RGPD3: variants seen among roughly 807,000 people sequenced by gnomAD.
RGPD3 encodes ranBP2-like and GRIP domain-containing protein 3.
Under a neutral mutation model 154.5 loss-of-function variants are expected in RGPD3, and 62 were observed. That is an observed-to-expected ratio of 0.40 (90% CI 0.33 to 0.50). The LOEUF is 0.50. RGPD3 is among the 20% of genes least tolerant of loss of function. The pLI is 0.59. For synonymous variants in RGPD3, 308 were observed against 607.0 expected, an observed-to-expected ratio of 0.51 and a Z score of 7.24; for missense variants, 919 against 1,716.8, an observed-to-expected ratio of 0.54 and a Z score of 8.21.
At chr2:106,448,840 A>G (rs1302137507) in intron 6 of RGPD3, among the ~76,000 whole-genome samples, 1 of 151,274 alleles carries the variant, frequency 6.6e-6, no homozygotes, top group African/African-American at 2.4e-5. Context: ...ATAGGCGCGT[A>G]CCAACATGCC....
At chr2:106,414,482 C>T (rs538548409) in intron 21 of RGPD3, among the ~76,000 whole-genome samples, 15 of 149,846 alleles carry the variant, frequency 1.0e-4, no homozygotes, top group Non-Finnish European at 2.1e-4. Context: ...ATTAGCCGGG[C>T]ATGGTGGTGC....
At chr2:106,470,126 G>A (rs1438895670), upstream of RGPD3, among the ~76,000 whole-genome samples, 1 of 152,106 alleles carries the variant, frequency 6.6e-6, no homozygotes, top group Non-Finnish European at 1.5e-5. Context: ...ATAAAGCACT[G>A]AGAACAATGC....
Position 106,424,003 on chromosome 2 carries a change from A to G in RGPD3, c.3964T>C (p.Ser1322Pro). 6.2e-7 allele frequency: 1 copy of G among 1,611,788 alleles called. No homozygotes were observed. Among genetic ancestry groups the G allele is most frequent in the Non-Finnish European group, 8.5e-7 (1 of 1,179,826 alleles). Residue 1322 changes from serine to proline, a missense_variant, in exon 20 of 23, where the codon TCT (serine) becomes CCT (proline). Transcript: ENST00000409886. ...CTCTCTTCTTCTTGAGTAACATCAG[A>G]TTCTTCATCAGTGCCAACTGAAGTC... Reference protein sequence around the residue: ...SGTSVGTDEESDVTQEEERDG... With the variant: ...SGTSVGTDEEPDVTQEEERDG...
chr2:106,405,083 A>C lies in RGPD3; in HGVS notation c.*136T>G. On this transcript the variant is annotated 3_prime_UTR_variant, in exon 23 of 23. Transcript: ENST00000409886. ...AAACATATACACACTTTTTGACAAAAGAATGATGGTAATACACATGAACCA... is the reference window on the plus strand; with the variant it reads ...AAACATATACACACTTTTTGACAAACGAATGATGGTAATACACATGAACCA... The C allele has an allele frequency of 2.8e-6, 3 of 1,068,828 alleles. No individual in the cohort carries two copies. In the South Asian group the frequency reaches 4.4e-5, roughly 16 times the overall value. The allele number at this position is 1,068,828 out of a possible 1,614,324, so 66.2% of individuals were successfully genotyped here. A position where few individuals can be genotyped will look rare whatever the true frequency, so the allele number is the denominator to read the frequency against.
At chr2:106,463,688 A>C (rs1452255836) in intron 1 of RGPD3, among the ~76,000 whole-genome samples, 2 of 151,228 alleles carry the variant, frequency 1.3e-5, no homozygotes, top group African/African-American at 4.8e-5. Context: ...AACCCAATCC[A>C]GGTTGGAGAA....
intron 6 of RGPD3, among the ~76,000 whole-genome samples, chr2:106,448,937 C>T (rs1157475538): frequency 4.0e-5 from 6 of 151,038 alleles, no homozygotes; most frequent in African/African-American, 1.2e-4. Context: ...GTGATCCACC[C>T]GCCTTGGCCT....
At chr2:106,449,554 A>T (rs1049568703) in intron 6 of RGPD3, among the ~76,000 whole-genome samples, 1 of 151,272 alleles carries the variant, frequency 6.6e-6, no homozygotes, top group African/African-American at 2.4e-5. Context: ...TATTTGTTTT[A>T]ATTTCTAATG....
At position 106,441,297 on chromosome 2, in the gene RGPD3, T is replaced by C. The variant is rs1210648094; in HGVS notation, c.1062A>G (p.Gln354=). 5 of 1,510,426 alleles carry C rather than the reference T, an allele frequency of 3.3e-6. No individual in the cohort carries two copies. Among genetic ancestry groups the C allele is most frequent in the Non-Finnish European group, 4.5e-6 (5 of 1,115,036 alleles). 93.6% of individuals were successfully genotyped at this position (1,510,426 alleles called of 1,614,324 possible). A position where few individuals can be genotyped will look rare whatever the true frequency, so the allele number is the denominator to read the frequency against. ...LEMMACDRLS[Q]SGHMLLNLSR... ...TTAGTTTAATATTACTATTACCTGA[T>C]TGGCTCAGTCGGTCACAGGCCATCA... Residue 354 remains glutamine, a synonymous_variant, in exon 8 of 23, where the codon CAA becomes CAG. Coordinates refer to ENST00000409886, the MANE Select transcript of RGPD3 (RefSeq NM_001144013.2).
At chr2:106,439,856 A>ACT (rs1319798308) in intron 8 of RGPD3, among the ~76,000 whole-genome samples, 1 of 137,024 alleles carries the variant, frequency 7.3e-6, no homozygotes, top group African/African-American at 2.6e-5. Flanking sequence ...ACAGAGTAAG[A>ACT]CTGTCTCAGG....
At chr2:106,448,148 C>T (rs1211011285) in intron 6 of RGPD3, among the ~76,000 whole-genome samples, 1 of 149,942 alleles carries the variant, frequency 6.7e-6, no homozygotes, top group African/African-American at 2.5e-5. Context: ...CTCACTATCG[C>T]CTGGGCTGGA....
At chr2:106,438,644 G>A (rs1274298520) in intron 9 of RGPD3, among the ~76,000 whole-genome samples, 12 of 152,040 alleles carry the variant, frequency 7.9e-5, no homozygotes, top group East Asian at 1.9e-4. Context: ...TTAGCCGGGC[G>A]TGGTGGTGGG....
At chr2:106,414,474 T>C (rs1676762721) in intron 21 of RGPD3, among the ~76,000 whole-genome samples, 2 of 150,846 alleles carry the variant, frequency 1.3e-5, no homozygotes, top group South Asian at 4.2e-4. Flanking sequence ...TAAAAAAAAT[T>C]AGCCGGGCAT....
intron 11 of RGPD3, 75 bp from the exon 12 acceptor site, chr2:106,436,321 G>T (rs1677550720): frequency 6.2e-7 from 1 of 1,610,412 alleles, no homozygotes. Flanking sequence ...TATGTTAATG[G>T]GTCACATGAC....
intron 22 of RGPD3, among the ~76,000 whole-genome samples, chr2:106,410,667 A>T (rs1463371704): frequency 1.3e-5 from 2 of 152,172 alleles, no homozygotes; most frequent in Non-Finnish European, 2.9e-5. Flanking sequence ...AAAATTAGTT[A>T]TAATTTTGAG....
upstream of RGPD3, chr2:106,468,484 G>A (rs570292910): frequency 8.8e-7 from 1 of 1,139,096 alleles, no homozygotes; most frequent in Non-Finnish European, 1.2e-6. Flanking sequence ...GCACTCGGCT[G>A]GGCTCTTGGC....
chr2:106,424,300 C>T lies in RGPD3; in HGVS notation c.3667G>A (p.Gly1223Ser), dbSNP rs765918840. The change falls in exon 20 of 23, where the codon GGT becomes AGT. Residue 1223 changes from glycine (G) to serine (S), a missense_variant. By Grantham distance (56) the Gly-to-Ser change is moderately conservative. Transcript: ENST00000409886. Reference sequence around the variant, plus strand: ...GCACCGGCCGCACCTGTACCTGAACCCTTATTTTCTTCCTCAGCGACTTTT... The same window carrying T: ...GCACCGGCCGCACCTGTACCTGAACTCTTATTTTCTTCCTCAGCGACTTTT... ...QTKVAEEENK[G>S]SGTGAAGASD... The T allele has an allele frequency of 1.9e-6, 3 of 1,611,814 alleles. No homozygotes were observed. Among genetic ancestry groups the T allele is most frequent in the Admixed American group, 1.7e-5 (1 of 59,988 alleles).
Position 106,405,067 on chromosome 2 carries a change from C to G in RGPD3, c.*152G>C. ...AAATATATGTAAATGCAAACATATA[C>G]ACACTTTTTGACAAAAGAATGATGG... On this transcript the variant is annotated 3_prime_UTR_variant, in exon 23 of 23. Transcript: ENST00000409886. 1.2e-6 allele frequency: 1 copy of G among 818,748 alleles called. No homozygotes were observed. Among genetic ancestry groups the G allele is most frequent in the South Asian group, 1.8e-5 (1 of 57,110 alleles). 50.7% of individuals were successfully genotyped at this position (818,748 alleles called of 1,614,324 possible). A position where few individuals can be genotyped will look rare whatever the true frequency, so the allele number is the denominator to read the frequency against.
chr2:106,440,487 G>A (rs1461462409), intron 8 of RGPD3, among the ~76,000 whole-genome samples: 1 of 150,920 alleles, frequency 6.6e-6, no homozygotes, highest in Non-Finnish European at 1.5e-5. Flanking sequence ...AGCCCTGCAA[G>A]GGTAGAAGGA....
intron 17 of RGPD3, 55 bp from the exon 18 acceptor site, chr2:106,429,836 G>GA: frequency 3.5e-6 from 2 of 563,642 alleles, no homozygotes; most frequent in Non-Finnish European, 6.2e-6. Flanking sequence ...TATCATGCCA[G>GA]AAACAGTGCT....
Sources: gnomAD v4.1 joint callset for allele counts (sites outside exome capture counted in the v4.1 genomes callset) on GRCh38, gnomAD v4.1.1 for gene constraint, MANE v1.5 for transcripts, NCBI Gene and HGNC (gene_info 2026-07-23, HGNC 2026-07-21) for gene names.